The following RPTOR variants were observed in gnomAD, a reference collection of about 807,000 sequenced individuals.
The protein encoded by RPTOR is regulatory associated protein of MTOR complex 1.
A neutral mutation model predicts 169.9 loss-of-function variants in RPTOR; 21 were observed. The observed-to-expected ratio is 0.12, with a 90% CI of 0.09 to 0.18. The LOEUF (loss-of-function observed/expected upper bound fraction) is 0.18. RPTOR is among the 10% of genes least tolerant of loss of function. RPTOR has a pLI of 1.00. For synonymous variants in RPTOR, 732 were observed against 753.2 expected (o/e 0.97, Z 0.46); for missense variants, 1,133 against 1,855.9 (o/e 0.61, Z 7.16).
chr17:80,610,319 T>G (rs576839081), intron 1 of RPTOR, among the ~76,000 whole-genome samples: 1 of 152,234 alleles, frequency 6.6e-6, no homozygotes, highest in Non-Finnish European at 1.5e-5. Flanking sequence ...TATGATGATA[T>G]AGACAGAAAA....
intron 12 of RPTOR, among the ~76,000 whole-genome samples, chr17:80,855,860 G>A (rs911916520): frequency 6.6e-6 from 1 of 152,172 alleles, no homozygotes; most frequent in Non-Finnish European, 1.5e-5. Context: ...CCAGCGCTGC[G>A]GAGGAGCAGG....
At chr17:80,625,841 T>C (rs781105332) in intron 2 of RPTOR, 48 bp downstream of exon 2, 2 of 1,394,594 alleles carry the variant, frequency 1.4e-6, no homozygotes, top group South Asian at 2.3e-5. Flanking sequence ...TCTGGCCGGC[T>C]CTGGCCTGGG....
At chr17:80,682,109 C>CA (rs1443362248) in intron 3 of RPTOR, among the ~76,000 whole-genome samples, 1 of 69,830 alleles carries the variant, frequency 1.4e-5, no homozygotes, top group Non-Finnish European at 3.1e-5. Context: ...TGATTAGGTC[C>CA]CCCCCCCCAC....
rs2065600918 is a variant in RPTOR, at chr17:80,646,969, G to A, written c.348+3159G>A. ...CCCCCGTCGGCTGCACCAGAATGGT[G>A]TCTGGAAGCCTCTGATGATTTCCTT... On this transcript the variant is annotated intron_variant, in intron 3 of 33. Transcript: ENST00000306801. This position sits in a 1 kb window ranked among gnomAD's most constrained non-coding sequence, Gnocchi z 5.0. Among the ~76,000 whole-genome samples, 1 of 152,184 alleles carries A rather than the reference G, an allele frequency of 6.6e-6. No individual in the cohort carries two copies. Among genetic ancestry groups the A allele is most frequent in the Non-Finnish European group, 1.5e-5 (1 of 68,032 alleles).
At chr17:80,846,427 T>C (rs747330374) in intron 10 of RPTOR, 46 bp from the exon 11 acceptor site, 1 of 1,581,708 alleles carries the variant, frequency 6.3e-7, no homozygotes, top group African/African-American at 1.3e-5. Context: ...GACCAGGCCA[T>C]CTGGGAACAT....
intron 1 of RPTOR, among the ~76,000 whole-genome samples, chr17:80,618,097 C>G (rs2065326274): frequency 6.6e-6 from 1 of 152,058 alleles, no homozygotes; most frequent in Admixed American, 6.5e-5. Context: ...TCTCCCACCT[C>G]AGCCTCCCGA....
At chr17:80,933,524 A>G (rs1292524271) in intron 24 of RPTOR, among the ~76,000 whole-genome samples, 1 of 152,248 alleles carries the variant, frequency 6.6e-6, no homozygotes, top group South Asian at 2.1e-4. Flanking sequence ...TCAGAAGACT[A>G]ACATTAAGTT....
At chr17:80,706,806 C>T (rs1032042724) in intron 3 of RPTOR, among the ~76,000 whole-genome samples, 4 of 152,168 alleles carry the variant, frequency 2.6e-5, no homozygotes, top group African/African-American at 9.7e-5. Flanking sequence ...GTGAATTAAA[C>T]GAGCGAGAGC....
chr17:80,636,408 A>G (rs2065506722), intron 2 of RPTOR, among the ~76,000 whole-genome samples: 1 of 152,172 alleles, frequency 6.6e-6, no homozygotes, highest in African/African-American at 2.4e-5. Flanking sequence ...AAACAACAGA[A>G]ATGTATTTCA....
chr17:80,698,859 G>A (rs2066059449), intron 3 of RPTOR, among the ~76,000 whole-genome samples: 1 of 152,246 alleles, frequency 6.6e-6, no homozygotes, highest in South Asian at 2.1e-4. Flanking sequence ...TCAGGGGGTA[G>A]TGCCCATCCA....
rs996011398 is a variant in RPTOR, at chr17:80,957,457, G to T, written c.3371-167G>T. On this transcript the variant is annotated intron_variant, in intron 28 of 33. Transcript: ENST00000306801. The surrounding 1 kb of genome is among the most constrained non-coding windows in gnomAD (Gnocchi z 4.6). ...CCCAGCCTGGACGTGGGGCACACCA[G>T]GGTCCCTAGCGGGAGCTCATATGAG... 2.0e-5 allele frequency among the ~76,000 whole-genome samples: 3 copies of T among 152,252 alleles called. No individual in the cohort carries two copies. Among genetic ancestry groups the T allele is most frequent in the African/African-American group, 7.2e-5 (3 of 41,464 alleles).
At chr17:80,578,924 G>T (rs765842736) in intron 1 of RPTOR, among the ~76,000 whole-genome samples, 2 of 152,188 alleles carry the variant, frequency 1.3e-5, no homozygotes, top group African/African-American at 2.4e-5. Flanking sequence ...TCGCCTGCCA[G>T]CCTCCCTGGA....
At chr17:80,729,859 C>T (rs1182757267) in intron 4 of RPTOR, among the ~76,000 whole-genome samples, 1 of 152,174 alleles carries the variant, frequency 6.6e-6, no homozygotes, top group Admixed American at 6.5e-5. Flanking sequence ...GAGGGAGGCC[C>T]CGCGGCGGGA....
At chr17:80,606,271 A>C (rs952999980) in intron 1 of RPTOR, among the ~76,000 whole-genome samples, 1 of 149,972 alleles carries the variant, frequency 6.7e-6, no homozygotes, top group African/African-American at 2.5e-5. Context: ...CGGCCTCCCA[A>C]AGTGCTGGGA....
chr17:80,800,493 T>G (rs2067146285), intron 7 of RPTOR, among the ~76,000 whole-genome samples: 1 of 152,180 alleles, frequency 6.6e-6, no homozygotes, highest in African/African-American at 2.4e-5. Context: ...TATTTAGCAG[T>G]CTTTAAAACT....
intron 13 of RPTOR, among the ~76,000 whole-genome samples, chr17:80,872,162 G>C (rs773869632): frequency 6.6e-6 from 1 of 152,152 alleles, no homozygotes; most frequent in Non-Finnish European, 1.5e-5. Context: ...AGCGAGGAGG[G>C]GCTGTTGAGG....
chr17:80,774,133 T>G, intron 6 of RPTOR: 1 of 985,378 alleles, frequency 1.0e-6, no homozygotes, highest in Non-Finnish European at 1.2e-6. Context: ...TTGGTGTGAC[T>G]CGAGGGCGCT....
In RPTOR at chr17:80,902,019, C is replaced by T. The variant is rs1598390208; in HGVS notation, c.2402-6792C>T. ...TGTGAAACTAAATGGGAACCCAGGT[C>T]TCAGCACTGTGTCAGGTTCTAGAAT... On this transcript the variant is annotated intron_variant, in intron 20 of 33. Coordinates refer to ENST00000306801, the MANE Select transcript of RPTOR (RefSeq NM_020761.3). Among the ~76,000 whole-genome samples, 3 of 152,336 alleles carry T rather than the reference C, an allele frequency of 2.0e-5. No homozygotes were observed. The South Asian group carries it at 6.2e-4, about 32-fold the overall frequency.
chr17:80,568,649 A>G (rs1033155660), intron 1 of RPTOR, among the ~76,000 whole-genome samples: 1 of 152,130 alleles, frequency 6.6e-6, no homozygotes, highest in Non-Finnish European at 1.5e-5. Flanking sequence ...TTATTTTTCC[A>G]GTTTTCCTAT....
Sources: gnomAD v4.1 joint callset for allele counts (sites outside exome capture counted in the v4.1 genomes callset) on GRCh38, gnomAD v4.1.1 for gene constraint, Gnocchi (gnomAD v3.1) non-coding constraint, MANE v1.5 for transcripts, NCBI Gene and HGNC (gene_info 2026-07-23, HGNC 2026-07-21) for gene names.